The following ADAMTSL1 variants were observed in gnomAD, a reference collection of about 807,000 sequenced individuals.
ADAMTSL1 encodes the protein ADAMTS like 1, also known as ADAMTS-like protein 1.
In ADAMTSL1, 126 loss-of-function variants were observed where a neutral mutation model predicts 201.8. That is an observed-to-expected ratio of 0.62 (90% CI 0.54 to 0.72). ADAMTSL1 has a LOEUF of 0.72. Among genes scored for constraint, ADAMTSL1 ranks in the 30% least tolerant of loss-of-function variants. The probability of loss-of-function intolerance (pLI) is 0.00; values close to 1 mark genes in which losing one functional copy is unlikely to be tolerated. For missense variants in ADAMTSL1, 2,679 were observed against 2,277.8 expected, an observed-to-expected ratio of 1.18 and a Z score of -3.59; for synonymous variants, 1,121 against 903.4, an observed-to-expected ratio of 1.24 and a Z score of -4.32.
At chr9:18,441,200 T>C (rs1335932917) in intron 2 of ADAMTSL1, among the ~76,000 whole-genome samples, 1 of 152,012 alleles carries the variant, frequency 6.6e-6, no homozygotes, top group Non-Finnish European at 1.5e-5. Context: ...TTGGGGGTAA[T>C]AAGAATGTTA....
chr9:18,515,438 C>T (rs1281286869), intron 2 of ADAMTSL1, among the ~76,000 whole-genome samples: 1 of 152,102 alleles, frequency 6.6e-6, no homozygotes, highest in Non-Finnish European at 1.5e-5. Flanking sequence ...AGTTTCAAAC[C>T]GTCCTCCTAT....
chr9:18,599,055 A>G (rs912609268), intron 4 of ADAMTSL1, among the ~76,000 whole-genome samples: 1 of 152,108 alleles, frequency 6.6e-6, no homozygotes, highest in African/African-American at 2.4e-5. Context: ...GTGACTGTCA[A>G]CTTCTGAGGC....
chr9:18,778,918 C>T (rs962225672), intron 19 of ADAMTSL1, among the ~76,000 whole-genome samples: 7 of 152,242 alleles, frequency 4.6e-5, no homozygotes, highest in African/African-American at 1.7e-4. Context: ...AACCTTCTAT[C>T]TTCTCAGAAT....
intron 1 of ADAMTSL1, among the ~76,000 whole-genome samples, chr9:18,107,574 C>G (rs1284956295): frequency 2.0e-5 from 3 of 152,034 alleles, no homozygotes; most frequent in Admixed American, 1.3e-4. Flanking sequence ...TAGCCATGCT[C>G]TGGGACTTGA....
intron 1 of ADAMTSL1, among the ~76,000 whole-genome samples, chr9:17,922,992 T>G (rs1011967957): frequency 6.6e-6 from 1 of 152,140 alleles, no homozygotes; most frequent in Non-Finnish European, 1.5e-5. Flanking sequence ...TTTCTTCAAG[T>G]CATCATGCCC....
intron 23 of ADAMTSL1, among the ~76,000 whole-genome samples, chr9:18,879,831 T>A (rs1828416814): frequency 6.6e-6 from 1 of 152,226 alleles, no homozygotes; most frequent in Admixed American, 6.5e-5. Flanking sequence ...CTCTGTAGCA[T>A]GTGATGCTGT....
chr9:18,244,795 CCT>C (rs1438788682), intron 2 of ADAMTSL1, among the ~76,000 whole-genome samples: 1 of 152,060 alleles, frequency 6.6e-6, no homozygotes, highest in East Asian at 1.9e-4. Context: ...TCATGCTCTC[CCT>C]CTCTCCTCTC....
At chr9:18,810,912 C>G (rs188258041) in intron 20 of ADAMTSL1, among the ~76,000 whole-genome samples, 13 of 147,752 alleles carry the variant, frequency 8.8e-5, no homozygotes, top group Admixed American at 1.4e-4. Flanking sequence ...GACCAAAGAC[C>G]TTGGAAATCA....
At chr9:18,131,841 C>G (rs1214343089) in intron 1 of ADAMTSL1, among the ~76,000 whole-genome samples, 1 of 152,034 alleles carries the variant, frequency 6.6e-6, no homozygotes, top group Non-Finnish European at 1.5e-5. Context: ...CACCTTGCTT[C>G]CCTAAGGTTT....
chr9:18,549,866 C>T (rs1443751379), intron 3 of ADAMTSL1, among the ~76,000 whole-genome samples: 1 of 151,924 alleles, frequency 6.6e-6, no homozygotes, highest in African/African-American at 2.4e-5. Flanking sequence ...CAACGTCAGC[C>T]TGGTTCCTGT....
chr9:18,840,403 T>G (rs1301990564), intron 23 of ADAMTSL1, among the ~76,000 whole-genome samples: 1 of 152,220 alleles, frequency 6.6e-6, no homozygotes, highest in African/African-American at 2.4e-5. Flanking sequence ...ATATCTCTGT[T>G]TTGGTACCAG....
At chr9:18,560,587 A>G (rs1821419352) in intron 3 of ADAMTSL1, among the ~76,000 whole-genome samples, 1 of 151,684 alleles carries the variant, frequency 6.6e-6, no homozygotes, top group African/African-American at 2.4e-5. Flanking sequence ...AAGGAATGGT[A>G]CCAGCTCCTC....
intron 5 of ADAMTSL1, among the ~76,000 whole-genome samples, chr9:18,628,229 T>C (rs1442559098): frequency 6.6e-6 from 1 of 152,238 alleles, no homozygotes; most frequent in East Asian, 1.9e-4. Context: ...ATTTCACCTT[T>C]AGATCAGTGA....
chr9:18,837,999 A>G (rs1237249353), intron 23 of ADAMTSL1, among the ~76,000 whole-genome samples: 1 of 152,038 alleles, frequency 6.6e-6, no homozygotes, highest in Non-Finnish European at 1.5e-5. Flanking sequence ...ACCCTAAAAG[A>G]TGCACTATAT....
Position 17,912,723 on chromosome 9 carries a change from G to A in ADAMTSL1, c.87+5801G>A, listed in dbSNP as rs1371723188. Among the ~76,000 whole-genome samples the A allele has an allele frequency of 7.7e-5, 5 of 64,900 alleles. 2 individuals are homozygous for A. The highest frequency in any genetic ancestry group is 2.4e-4 in the Non-Finnish European group (5 of 21,174). 42.6% of individuals were successfully genotyped at this position (64,900 alleles called of 152,430 possible). A position where few individuals can be genotyped will look rare whatever the true frequency, so the allele number is the denominator to read the frequency against. On this transcript the variant is annotated intron_variant, in intron 1 of 29. Coordinates refer to the ADAMTSL1 transcript ENST00000680146. ...CCATTTGTCAATTTTGGCTTTTGTT[G>A]CCATTGTTTTTGGTGTTCTAGACAT...
chr9:18,905,712 A>C, intron 26 of ADAMTSL1, 70 bp from the exon 27 acceptor site: 4 of 1,227,814 alleles, frequency 3.3e-6, no homozygotes, highest in Non-Finnish European at 4.7e-6. Context: ...CATGCCATGC[A>C]GCCCAAGCAC....
intron 1 of ADAMTSL1, among the ~76,000 whole-genome samples, chr9:17,934,406 T>A (rs968308627): frequency 4.6e-5 from 7 of 152,150 alleles, no homozygotes; most frequent in Admixed American, 1.3e-4. Context: ...CTAAAATGCT[T>A]TGTCAAAGTG....
chr9:18,372,194 A>C (rs1353781351), intron 2 of ADAMTSL1, among the ~76,000 whole-genome samples: 1 of 152,188 alleles, frequency 6.6e-6, no homozygotes, highest in African/African-American at 2.4e-5. Flanking sequence ...GGGAATACAT[A>C]ACAAAGTAAC....
chr9:18,639,133 C>G, intron 6 of ADAMTSL1, 121 bp from the exon 7 acceptor site: 1 of 884,066 alleles, frequency 1.1e-6, no homozygotes, highest in South Asian at 1.6e-5. Flanking sequence ...TCAATTTTGT[C>G]AGCTATATAA....
Sources: allele counts gnomAD v4.1 joint callset (sites outside exome capture counted in the v4.1 genomes callset), GRCh38; gene constraint gnomAD v4.1.1; transcripts MANE v1.5; gene names NCBI Gene and HGNC (gene_info 2026-07-23, HGNC 2026-07-21).